TAFA5: variants seen among roughly 807,000 people sequenced by gnomAD.
TAFA5 encodes TAFA chemokine like family member 5.
Under a neutral mutation model 15.3 loss-of-function variants are expected in TAFA5, and 6 were observed. The ratio of observed to expected loss-of-function variants is 0.39; its 90% CI spans 0.21 to 0.77. The LOEUF (loss-of-function observed/expected upper bound fraction) is 0.77. Among genes scored for constraint, TAFA5 ranks in the 30% least tolerant of loss-of-function variants. TAFA5 has a pLI of 0.41. For synonymous variants in TAFA5, 103 were observed against 80.7 expected (o/e 1.28, Z -1.48); for missense variants, 161 against 193.1 (o/e 0.83, Z 0.98).
chr22:48,644,462 G>A (rs1926793809), intron 1 of TAFA5, among the ~76,000 whole-genome samples: 1 of 152,252 alleles, frequency 6.6e-6, no homozygotes, highest in South Asian at 2.1e-4. Context: ...GAAGGAGCTG[G>A]GGCAGGCCGG....
At chr22:48,600,098 T>C (rs1924909136) in intron 1 of TAFA5, among the ~76,000 whole-genome samples, 1 of 152,134 alleles carries the variant, frequency 6.6e-6, no homozygotes, top group Non-Finnish European at 1.5e-5. Context: ...CAGCGGTGGA[T>C]AGAGGGGCTG....
At chr22:48,586,048 A>G (rs1443110416) in intron 1 of TAFA5, among the ~76,000 whole-genome samples, 1 of 152,194 alleles carries the variant, frequency 6.6e-6, no homozygotes, top group Admixed American at 6.5e-5. Context: ...CTGCCCCTGC[A>G]GCCTTGTCCC....
intron 1 of TAFA5, among the ~76,000 whole-genome samples, chr22:48,593,739 A>G (rs1221895340): frequency 6.6e-6 from 1 of 152,118 alleles, no homozygotes; most frequent in Non-Finnish European, 1.5e-5. Context: ...AGCTGGGGCC[A>G]TCCCTTAGCA....
intron 1 of TAFA5, among the ~76,000 whole-genome samples, chr22:48,569,512 GC>G (rs976204856): frequency 6.6e-6 from 1 of 152,096 alleles, no homozygotes; most frequent in Non-Finnish European, 1.5e-5. Context: ...TACAATCAAG[GC>G]CCACGGGGTG....
chr22:48,745,864 A>T (rs1279451574), intron 3 of TAFA5, among the ~76,000 whole-genome samples: 1 of 152,190 alleles, frequency 6.6e-6, no homozygotes, highest in Non-Finnish European at 1.5e-5. Flanking sequence ...ACGGGAAGGA[A>T]GGTCCTGAGA....
intron 2 of TAFA5, among the ~76,000 whole-genome samples, chr22:48,667,720 T>A (rs945060999): frequency 1.3e-5 from 2 of 151,326 alleles, no homozygotes; most frequent in African/African-American, 4.9e-5. Flanking sequence ...TGAGCATGGG[T>A]CTTCACCGGG....
At chr22:48,519,550 G>A (rs1043574800) in intron 1 of TAFA5, among the ~76,000 whole-genome samples, 3 of 152,172 alleles carry the variant, frequency 2.0e-5, no homozygotes, top group South Asian at 2.1e-4. Context: ...ATGCAGACTC[G>A]GGGTGTGGGT....
intron 2 of TAFA5, among the ~76,000 whole-genome samples, chr22:48,666,981 G>A (rs1927638449): frequency 6.6e-6 from 1 of 152,132 alleles, no homozygotes; most frequent in South Asian, 2.1e-4. Flanking sequence ...AGCTGCATAG[G>A]TGATTTCCAG....
At chr22:48,747,233 C>T (rs1930354526) in intron 3 of TAFA5, among the ~76,000 whole-genome samples, 1 of 152,184 alleles carries the variant, frequency 6.6e-6, no homozygotes, top group African/African-American at 2.4e-5. Context: ...GCTGGGATTG[C>T]TAGAATGAAT....
chr22:48,732,278 C>G (rs2147267765), intron 3 of TAFA5, among the ~76,000 whole-genome samples: 1 of 152,164 alleles, frequency 6.6e-6, no homozygotes, highest in South Asian at 2.1e-4. Context: ...GAGACGGAGT[C>G]TTGCTCTTGT....
At chr22:48,498,911 TAC>T (rs2147094634) in intron 1 of TAFA5, among the ~76,000 whole-genome samples, 1 of 152,238 alleles carries the variant, frequency 6.6e-6, no homozygotes, top group Admixed American at 6.5e-5. Flanking sequence ...GTGGCAATCT[TAC>T]AGTTTCTGGG....
At chr22:48,738,274 T>C (rs1190579767) in intron 3 of TAFA5, among the ~76,000 whole-genome samples, 1 of 152,130 alleles carries the variant, frequency 6.6e-6, no homozygotes, top group Non-Finnish European at 1.5e-5. Flanking sequence ...AAAATTGAGA[T>C]ATAGCTCTCA....
At chr22:48,647,230 G>T (rs1926900567) in intron 2 of TAFA5, among the ~76,000 whole-genome samples, 1 of 152,180 alleles carries the variant, frequency 6.6e-6, no homozygotes, top group South Asian at 2.1e-4. Context: ...GCCCCCATGG[G>T]CTCTGAGCAC....
intron 1 of TAFA5, among the ~76,000 whole-genome samples, chr22:48,532,253 AC>A (rs1432587027): frequency 1.3e-5 from 2 of 152,096 alleles, no homozygotes; most frequent in Non-Finnish European, 2.9e-5. Context: ...CCCAGCCAGC[AC>A]TCTTTAGGAG....
chr22:48,630,694 G>A (rs574067241), intron 1 of TAFA5, among the ~76,000 whole-genome samples: 7 of 152,288 alleles, frequency 4.6e-5, no homozygotes, highest in East Asian at 1.9e-4. Flanking sequence ...ATCAGGGGCC[G>A]CCTAGAAGCC....
intron 1 of TAFA5, among the ~76,000 whole-genome samples, chr22:48,518,319 G>A (rs567655051): frequency 2.0e-5 from 3 of 152,282 alleles, no homozygotes; most frequent in South Asian, 4.1e-4. Context: ...AGAATAAGGC[G>A]CTCTGCCCCC....
rs189815474 is a variant in TAFA5 at position 48,556,764 on chromosome 22, C to T, written c.112+67060C>T. The stretch of plus-strand genomic sequence containing the variant: ...CCCTCGAGGCTGTTCTCAGGGACAC[C>T]CCCCTAGGCAGGGTCCCACCTGATC... On this transcript the variant is annotated intron_variant, in intron 1 of 3. Transcript: ENST00000402357. Among the ~76,000 whole-genome samples, 209 of 152,048 alleles carry T rather than the reference C, an allele frequency of 1.4e-3. 1 individual carries two copies. The highest frequency in any genetic ancestry group is 4.8e-3 in the African/African-American group (199 of 41,532).
chr22:48,509,768 G>A (rs1216226199), intron 1 of TAFA5, among the ~76,000 whole-genome samples: 1 of 152,012 alleles, frequency 6.6e-6, no homozygotes, highest in East Asian at 1.9e-4. Context: ...TGGCTAACAT[G>A]GTGAAACCCC....
chr22:48,684,071 T>C (rs944346064), intron 2 of TAFA5, among the ~76,000 whole-genome samples: 1 of 152,200 alleles, frequency 6.6e-6, no homozygotes, highest in African/African-American at 2.4e-5. Context: ...AACTGACCAG[T>C]GCAATCAGTT....
Sources: allele counts gnomAD v4.1 joint callset (sites outside exome capture counted in the v4.1 genomes callset), GRCh38; gene constraint gnomAD v4.1.1; transcripts MANE v1.5; gene names NCBI Gene and HGNC (gene_info 2026-07-23, HGNC 2026-07-21).